The following SHC3 variants were observed in gnomAD, a reference collection of about 807,000 sequenced individuals.
SHC3 encodes SHC-transforming protein 3.
SHC3 carries 15 observed loss-of-function variants against 60.4 expected under a neutral mutation model. The ratio of observed to expected loss-of-function variants is 0.25; its 90% CI spans 0.17 to 0.38. SHC3 has a LOEUF of 0.38. Among genes scored for constraint, SHC3 ranks in the 10% least tolerant of loss-of-function variants. The pLI is 1.00. For missense variants in SHC3, 677 were observed against 786.1 expected, an observed-to-expected ratio of 0.86 and a Z score of 1.66; for synonymous variants, 294 against 325.9, an observed-to-expected ratio of 0.90 and a Z score of 1.05.
At chr9:89,122,352 C>T (rs1025333443) in intron 1 of SHC3, among the ~76,000 whole-genome samples, 8 of 152,202 alleles carry the variant, frequency 5.3e-5, no homozygotes, top group Non-Finnish European at 1.0e-4. Context: ...GGCAGGAATG[C>T]CAATGCAGAG....
chr9:89,147,105 T>C (rs1826479509), intron 1 of SHC3, among the ~76,000 whole-genome samples: 1 of 151,412 alleles, frequency 6.6e-6, no homozygotes, highest in African/African-American at 2.4e-5. Context: ...TAATATCGCA[T>C]AGAAATGAGA....
rs184739859 is a variant in SHC3 at position 89,144,933 on chromosome 9, G to A, written c.475-32307C>T. Among the ~76,000 whole-genome samples, 72 of 152,108 alleles carry A rather than the reference G, an allele frequency of 4.7e-4. 2 individuals carry two copies. The highest frequency in any genetic ancestry group is 3.9e-4 in the Admixed American group (6 of 15,290). On this transcript the variant is annotated intron_variant, in intron 1 of 11. Transcript: ENST00000375835. ...AGGATATATCCTTTCTTTAACAAACGGCAGCATCCTAAAATACAAATAGGT... is the reference window on the plus strand; with the variant it reads ...AGGATATATCCTTTCTTTAACAAACAGCAGCATCCTAAAATACAAATAGGT...
intron 6 of SHC3, 29 bp downstream of exon 6, chr9:89,065,498 CAA>C (rs756247105): frequency 5.6e-6 from 9 of 1,612,732 alleles, no homozygotes; most frequent in South Asian, 2.2e-5. Context: ...TGTACACAAA[CAA>C]GAGATTAAAG....
intron 1 of SHC3, among the ~76,000 whole-genome samples, chr9:89,128,815 G>C (rs982971717): frequency 5.3e-5 from 8 of 152,144 alleles, no homozygotes; most frequent in Non-Finnish European, 7.4e-5. Context: ...GAGCAGAAAA[G>C]CTGAAAATTC....
intron 1 of SHC3, among the ~76,000 whole-genome samples, chr9:89,121,447 C>T (rs573692198): frequency 3.7e-4 from 57 of 152,272 alleles, no homozygotes; most frequent in Middle Eastern, 3.4e-3. Flanking sequence ...TGCACCACCA[C>T]GCTCGGCTAA....
At chr9:89,133,899 T>C (rs944287826) in intron 1 of SHC3, among the ~76,000 whole-genome samples, 2 of 152,112 alleles carry the variant, frequency 1.3e-5, no homozygotes, top group Non-Finnish European at 2.9e-5. Flanking sequence ...ACCCTAGAAC[T>C]TAAAGTATAA....
At chr9:89,172,600 C>A (rs368392518) in intron 1 of SHC3, among the ~76,000 whole-genome samples, 3 of 151,816 alleles carry the variant, frequency 2.0e-5, no homozygotes, top group African/African-American at 4.8e-5. Flanking sequence ...CAGACACACA[C>A]ACACACGATG....
chr9:89,099,971 T>C (rs946443828), intron 2 of SHC3, among the ~76,000 whole-genome samples: 37 of 152,236 alleles, frequency 2.4e-4, no homozygotes, highest in African/African-American at 8.4e-4. Flanking sequence ...GCCTGATTTT[T>C]ATCTGTGCAT....
chr9:89,025,218 G>A lies in SHC3; in HGVS notation c.1657-11643C>T, dbSNP rs111862131. Among the ~76,000 whole-genome samples, 6 of 151,234 alleles carry A rather than the reference G, an allele frequency of 4.0e-5. No homozygotes were observed. The South Asian group carries it at 6.3e-4, about 16-fold the overall frequency. ...GTCACACACACACACACACACGTAC[G>A]CACACACACATACACACACACACAG... On this transcript the variant is annotated intron_variant, in intron 11 of 11. Transcript: ENST00000375835.
At chr9:89,108,363 A>G (rs1308144322) in intron 2 of SHC3, among the ~76,000 whole-genome samples, 1 of 151,712 alleles carries the variant, frequency 6.6e-6, no homozygotes, top group African/African-American at 2.4e-5. Flanking sequence ...AAAAAAAAAA[A>G]TACAAAAATT....
At chr9:89,026,877 C>G (rs1244961355) in intron 11 of SHC3, among the ~76,000 whole-genome samples, 1 of 152,160 alleles carries the variant, frequency 6.6e-6, no homozygotes, top group South Asian at 2.1e-4. Context: ...TAGCCTTGTC[C>G]AGGGAAAGGA....
chr9:89,072,719 G>A (rs981000190), intron 4 of SHC3, among the ~76,000 whole-genome samples: 6 of 152,156 alleles, frequency 3.9e-5, no homozygotes, highest in Non-Finnish European at 5.9e-5. Context: ...TTCCGGGGGT[G>A]AGAACAGAGC....
intron 1 of SHC3, among the ~76,000 whole-genome samples, chr9:89,121,291 AT>A (rs891104858): frequency 0.011 from 1,530 of 145,178 alleles, 19 homozygotes; most frequent in African/African-American, 0.033. Context: ...GGAAGTTTCT[AT>A]TTTTTTTTTT....
At chr9:89,030,139 G>C (rs1465684990) in intron 11 of SHC3, among the ~76,000 whole-genome samples, 1 of 151,988 alleles carries the variant, frequency 6.6e-6, no homozygotes, top group Non-Finnish European at 1.5e-5. Context: ...GATAAAGGGG[G>C]ACATTTCACA....
chr9:89,049,174 T>G (rs565766842), intron 7 of SHC3, among the ~76,000 whole-genome samples: 37 of 152,136 alleles, frequency 2.4e-4, no homozygotes, highest in Non-Finnish European at 4.7e-4. Context: ...GGCAGGAGAA[T>G]GGCGCGAACC....
intron 2 of SHC3, among the ~76,000 whole-genome samples, chr9:89,105,314 C>G (rs1246859014): frequency 6.6e-6 from 1 of 152,182 alleles, no homozygotes; most frequent in East Asian, 1.9e-4. Flanking sequence ...TGACTTTGCC[C>G]TTTCCTAGCT....
intron 9 of SHC3, among the ~76,000 whole-genome samples, chr9:89,045,342 A>G (rs1824754671): frequency 1.4e-5 from 2 of 143,372 alleles, no homozygotes; most frequent in Admixed American, 1.5e-4. Context: ...GCGCAATGGC[A>G]TCATCTTGGC....
chr9:89,142,835 T>C (rs1259490130), intron 1 of SHC3, among the ~76,000 whole-genome samples: 1 of 152,116 alleles, frequency 6.6e-6, no homozygotes, highest in Non-Finnish European at 1.5e-5. Flanking sequence ...CAGATAATTT[T>C]CCTTCGGGTC....
chr9:89,026,265 A>G (rs1177063016), intron 11 of SHC3, among the ~76,000 whole-genome samples: 1 of 151,770 alleles, frequency 6.6e-6, no homozygotes, highest in East Asian at 1.9e-4. Flanking sequence ...AAAAAAAAAA[A>G]AAAAAAAAAC....
Sources: allele counts gnomAD v4.1 joint callset (sites outside exome capture counted in the v4.1 genomes callset), GRCh38; gene constraint gnomAD v4.1.1; transcripts MANE v1.5; gene names NCBI Gene and HGNC (gene_info 2026-07-23, HGNC 2026-07-21).